Variants in ANXA8 observed in about 807,000 individuals in gnomAD.
ANXA8 encodes the protein annexin A8, also known as VAC-beta.
Under a neutral mutation model 26.8 loss-of-function variants are expected in ANXA8, and 9 were observed. The ratio of observed to expected loss-of-function variants is 0.34; its 90% confidence interval spans 0.20 to 0.59. ANXA8 has a LOEUF of 0.59. Among genes scored for constraint, ANXA8 ranks in the 20% least tolerant of loss-of-function variants. ANXA8 has a pLI of 0.84. For missense variants in ANXA8, 83 were observed against 238.5 expected (o/e 0.35, Z 4.29); for synonymous variants, 39 against 94.8 (o/e 0.41, Z 3.42).
At chr10:47,955,198 G>A in the ANXA8 span, among the ~76,000 whole-genome samples, 4 of 149,812 alleles carry the variant, frequency 2.7e-5, no homozygotes, top group South Asian at 6.4e-4. Context: ...CATGTAAGAC[G>A]CGACTTGCTC....
the ANXA8 span, among the ~76,000 whole-genome samples, chr10:47,679,629 C>CA: frequency 2.0e-5 from 3 of 151,514 alleles, no homozygotes; most frequent in East Asian, 5.9e-4. Context: ...AAAACAAAAC[C>CA]AAAAAAAGGC....
chr10:47,983,329 A>C, the ANXA8 span, among the ~76,000 whole-genome samples: 1 of 91,524 alleles, frequency 1.1e-5, no homozygotes, highest in East Asian at 2.2e-4. Context: ...GAAAAGTAGA[A>C]ACAATCCAAA....
the ANXA8 span, among the ~76,000 whole-genome samples, chr10:47,616,958 T>C: frequency 2.8e-5 from 2 of 70,490 alleles, 1 homozygote; most frequent in African/African-American, 8.6e-5. Context: ...AAGACTTAAC[T>C]GTTCTTCTAT....
chr10:47,651,817 C>T, the ANXA8 span, among the ~76,000 whole-genome samples: 1 of 151,778 alleles, frequency 6.6e-6, no homozygotes. Context: ...TCGCTTGAAC[C>T]TGGGAGGTAG....
chr10:47,684,423 T>TTTG, the ANXA8 span, among the ~76,000 whole-genome samples: 34 of 135,658 alleles, frequency 2.5e-4, no homozygotes, highest in African/African-American at 8.5e-4. Flanking sequence ...AGTTTTTTTT[T>TTTG]GGGGGGGGGG....
At chr10:47,495,239 T>C in the ANXA8 span, among the ~76,000 whole-genome samples, 1 of 145,108 alleles carries the variant, frequency 6.9e-6, no homozygotes, top group South Asian at 2.3e-4. Flanking sequence ...GATTTCTGGG[T>C]CTGATAGAAA....
the ANXA8 span, among the ~76,000 whole-genome samples, chr10:47,769,227 G>A: frequency 6.7e-6 from 1 of 149,146 alleles, no homozygotes. Flanking sequence ...GCCCATTTGA[G>A]CATGAAACCT....
the ANXA8 span, among the ~76,000 whole-genome samples, chr10:47,664,579 T>C: frequency 9.3e-5 from 14 of 150,608 alleles, no homozygotes; most frequent in African/African-American, 3.4e-4. Flanking sequence ...AAAATAATAA[T>C]AATAATAATA....
At chr10:47,672,439 C>T in the ANXA8 span, among the ~76,000 whole-genome samples, 8 of 151,768 alleles carry the variant, frequency 5.3e-5, no homozygotes, top group South Asian at 1.7e-3. Context: ...AGTACTTTTT[C>T]TTTTATAATA....
At chr10:47,682,360 G>A in the ANXA8 span, among the ~76,000 whole-genome samples, 2 of 143,330 alleles carry the variant, frequency 1.4e-5, no homozygotes, top group African/African-American at 2.6e-5. Context: ...CCTTTGAGAA[G>A]GAAAAAAGAT....
chr10:47,651,041 T>C, the ANXA8 span, among the ~76,000 whole-genome samples: 2 of 151,206 alleles, frequency 1.3e-5, no homozygotes, highest in Non-Finnish European at 2.9e-5. Context: ...GAGACCAGCC[T>C]GGGCAACATA....
chr10:47,612,675 AT>A, the ANXA8 span, among the ~76,000 whole-genome samples: 2 of 73,138 alleles, frequency 2.7e-5, 1 homozygote, highest in African/African-American at 8.1e-5. Flanking sequence ...GGATTAATCC[AT>A]CGATAAGTCA....
chr10:47,491,699 C>G, the ANXA8 span: 1 of 1,542,390 alleles, frequency 6.5e-7, no homozygotes, highest in African/African-American at 1.4e-5. Flanking sequence ...CAGTGGCGAA[C>G]TAGGATGCTG....
the ANXA8 span, among the ~76,000 whole-genome samples, chr10:47,740,933 T>C: frequency 6.6e-6 from 1 of 151,884 alleles, no homozygotes; most frequent in East Asian, 1.9e-4. Context: ...TGCCAAACAG[T>C]GCTCCAAAGT....
chr10:47,650,205 CA>C, the ANXA8 span, among the ~76,000 whole-genome samples: 7,131 of 99,738 alleles, frequency 0.071, 418 homozygotes, highest in African/African-American at 0.22. Flanking sequence ...AAGTCTGTCT[CA>C]AAAAAAAAAA....
At chr10:47,669,554 A>G in the ANXA8 span, among the ~76,000 whole-genome samples, 7 of 151,774 alleles carry the variant, frequency 4.6e-5, no homozygotes, top group Non-Finnish European at 7.4e-5. Flanking sequence ...CCCCGTCTCT[A>G]CTATAGAAAA....
the ANXA8 span, among the ~76,000 whole-genome samples, chr10:47,533,385 C>A: frequency 6.6e-6 from 1 of 151,706 alleles, no homozygotes; most frequent in Non-Finnish European, 1.5e-5. Context: ...TCCAAACCAC[C>A]ATCACCCTGT....
At chr10:47,966,611 C>T in the ANXA8 span, among the ~76,000 whole-genome samples, 2 of 148,486 alleles carry the variant, frequency 1.3e-5, no homozygotes, top group East Asian at 2.0e-4. Context: ...GGGCAAGAGG[C>T]AGGAGCCAAG....
At chr10:47,504,811 A>T in the ANXA8 span, among the ~76,000 whole-genome samples, 1 of 127,060 alleles carries the variant, frequency 7.9e-6, no homozygotes, top group African/African-American at 3.0e-5. Context: ...GATCCCGAAG[A>T]CCCCTTCCAG....
Sources: allele counts gnomAD v4.1 joint callset (sites outside exome capture counted in the v4.1 genomes callset), GRCh38; gene constraint gnomAD v4.1.1; transcripts MANE v1.5; gene names NCBI Gene and HGNC (gene_info 2026-07-23, HGNC 2026-07-21).